SEH1L: variants seen among roughly 807,000 people sequenced by gnomAD.
SEH1L encodes nucleoporin SEH1.
A neutral mutation model predicts 49.5 loss-of-function variants in SEH1L; 18 were observed. That is an observed-to-expected ratio of 0.36 (90% confidence interval 0.25 to 0.54). The LOEUF (loss-of-function observed/expected upper bound fraction) is 0.54. Among genes scored for constraint, SEH1L ranks in the 20% least tolerant of loss-of-function variants. The pLI is 0.87. For synonymous variants in SEH1L, 169 were observed against 178.1 expected (o/e 0.95, Z 0.41); for missense variants, 404 against 528.8 (o/e 0.76, Z 2.31).
chr18:12,969,182 C>G (rs1266925507), intron 4 of SEH1L, among the ~76,000 whole-genome samples: 1 of 147,336 alleles, frequency 6.8e-6, no homozygotes, highest in Admixed American at 6.7e-5. Flanking sequence ...GCACTCCACC[C>G]TGGGCATCAA....
At chr18:12,981,098 C>T (rs2032231229) in intron 6 of SEH1L, among the ~76,000 whole-genome samples, 1 of 151,528 alleles carries the variant, frequency 6.6e-6, no homozygotes, top group Non-Finnish European at 1.5e-5. Context: ...CTCCTCACTT[C>T]TCAGACAGGG....
chr18:12,981,297 G>C (rs1212293204), intron 6 of SEH1L, among the ~76,000 whole-genome samples: 1 of 152,176 alleles, frequency 6.6e-6, no homozygotes, highest in African/African-American at 2.4e-5. Context: ...CTTCCCAGAC[G>C]GGGTGGCGGC....
chr18:12,956,409 G>T (rs1359224444), intron 3 of SEH1L, among the ~76,000 whole-genome samples: 2 of 149,858 alleles, frequency 1.3e-5, no homozygotes, highest in African/African-American at 4.9e-5. Flanking sequence ...ATTCAGGATG[G>T]GCCCATGTCA....
At chr18:12,980,889 C>T (rs373766082) in intron 6 of SEH1L, among the ~76,000 whole-genome samples, 16,694 of 145,800 alleles carry the variant, frequency 0.11, 1,383 homozygotes, top group African/African-American at 0.23. Context: ...CCCCACCTCC[C>T]TTCCGGACGG....
Position 12,982,598 on chromosome 18 carries a change from T to G in SEH1L, c.842T>G (p.Val281Gly). The G allele has an allele frequency of 6.2e-7, 1 of 1,613,918 alleles. No individual in the cohort carries two copies. Among genetic ancestry groups the G allele is most frequent in the South Asian group, 1.1e-5 (1 of 91,076 alleles). ...CAGTTCGATAATCATAATTCTCAGG[T>G]CTGGCGAGTGAGTTGGAATATAACA... ...VAQFDNHNSQVWRVSWNITGT... is the reference protein window; with the variant it reads ...VAQFDNHNSQGWRVSWNITGT... Residue 281 changes from valine (V) to glycine (G), a missense_variant, in exon 7 of 9, where the codon GTC becomes GGC. By Grantham distance (109) the Val-to-Gly change is moderately radical. This residue lies in a region of SEH1L where 342 missense variants were observed against 430.8 expected (regional missense o/e 0.79). Coordinates refer to ENST00000399892, the MANE Select transcript of SEH1L (RefSeq NM_001013437.2).
chr18:12,986,476 T>A, intron 8 of SEH1L: 1 of 987,330 alleles, frequency 1.0e-6, no homozygotes, highest in African/African-American at 1.7e-5. Flanking sequence ...AACCATTGCT[T>A]AAGATAAAAA....
At chr18:12,972,526 G>A (rs190375231) in intron 5 of SEH1L, 1 of 152,322 alleles carries the variant, frequency 6.6e-6, no homozygotes, top group East Asian at 1.9e-4. Flanking sequence ...GATCAGATGG[G>A]CTTCGCAGGT....
At chr18:12,979,723 C>A (rs1420840694) in intron 6 of SEH1L, among the ~76,000 whole-genome samples, 2 of 147,160 alleles carry the variant, frequency 1.4e-5, no homozygotes, top group Non-Finnish European at 3.0e-5. Context: ...CCCTCCCGGA[C>A]GGGGCGGCTG....
At chr18:12,980,264 C>T (rs1598977344) in intron 6 of SEH1L, among the ~76,000 whole-genome samples, 3 of 137,818 alleles carry the variant, frequency 2.2e-5, no homozygotes, top group Admixed American at 7.2e-5. Flanking sequence ...CACCTCCCTC[C>T]CGGTCGGGGC....
rs774233064 is a variant in SEH1L at position 12,987,015 on chromosome 18, C to T, written c.1224C>T (p.Leu408=). 5.6e-6 allele frequency: 9 copies of T among 1,612,954 alleles called. No individual in the cohort carries two copies. The highest frequency in any genetic ancestry group is 7.6e-6 in the Non-Finnish European group (9 of 1,179,272). The part of the protein sequence containing the change: ...LQYPHPRRRY[L]SRPLNPLPEN... ...ATCCTCACCCTCGCAGACGATATCTCTCTCGGCCTCTTAATCCCTTACCTG... is the reference window on the plus strand; with the variant it reads ...ATCCTCACCCTCGCAGACGATATCTTTCTCGGCCTCTTAATCCCTTACCTG... The change falls in exon 9 of 9, where the codon CTC becomes CTT. Residue 408 remains leucine, a synonymous_variant. Coordinates refer to ENST00000399892, the MANE Select transcript of SEH1L (RefSeq NM_001013437.2).
At chr18:12,966,012 C>T in intron 4 of SEH1L, among the ~76,000 whole-genome samples, 1 of 152,256 alleles carries the variant, frequency 6.6e-6, no homozygotes, top group South Asian at 2.1e-4. Context: ...AGGAAAAACC[C>T]CAACCTGGAT....
chr18:12,970,723 G>A (rs553776938), intron 4 of SEH1L, among the ~76,000 whole-genome samples: 72 of 152,298 alleles, frequency 4.7e-4, no homozygotes, highest in African/African-American at 1.6e-3. Flanking sequence ...CCCTGCCGCA[G>A]TGTTTCTTCT....
chr18:12,981,994 G>T (rs777362135), intron 6 of SEH1L, among the ~76,000 whole-genome samples: 9 of 151,442 alleles, frequency 5.9e-5, no homozygotes, highest in Non-Finnish European at 1.0e-4. Context: ...TGAGTAGCTG[G>T]GACTACAGGC....
At chr18:12,980,056 G>C (rs1476173116) in intron 6 of SEH1L, among the ~76,000 whole-genome samples, 1 of 120,968 alleles carries the variant, frequency 8.3e-6, no homozygotes, top group Admixed American at 8.2e-5. Flanking sequence ...CTCCCTCCTG[G>C]ACGGGGCGGC....
Position 12,985,537 on chromosome 18 carries a change from T to G in SEH1L, c.1071-1325T>G, listed in dbSNP as rs1051357272. 4.2e-6 allele frequency: 5 copies of G among 1,183,904 alleles called. No individual in the cohort carries two copies. In the African/African-American group the frequency reaches 8.0e-5, roughly 19 times the overall value. 73.3% of individuals were successfully genotyped at this position (1,183,904 alleles called of 1,614,324 possible). ...CAATTTTTTGAAATGTTCCTGAAAC[T>G]AATTTGGGTTTAAAGATTAAAAGGG... On this transcript the variant is annotated intron_variant, in intron 8 of 8. Transcript: ENST00000399892.
In SEH1L at chr18:12,960,225, A is replaced by G. The variant is rs1453209424; in HGVS notation, c.310-2935A>G. Among the ~76,000 whole-genome samples, 3 of 152,232 alleles carry G rather than the reference A, an allele frequency of 2.0e-5. No homozygotes were observed. In the South Asian group the frequency reaches 6.2e-4, roughly 32 times the overall value. On this transcript the variant is annotated intron_variant, in intron 3 of 8. Transcript: ENST00000399892. ...CAAAGAAGCAGTACATCAACAGTTT[A>G]TCATTATATTGTGGCAACAAGGGAT...
At chr18:12,964,387 T>A (rs1039132511) in intron 4 of SEH1L, 1 of 152,120 alleles carries the variant, frequency 6.6e-6, no homozygotes, top group African/African-American at 2.4e-5. Flanking sequence ...TTTTTAAAAA[T>A]TTTTATTCTG....
intron 2 of SEH1L, among the ~76,000 whole-genome samples, chr18:12,952,232 CTT>C (rs746291412): frequency 6.7e-5 from 9 of 133,422 alleles, no homozygotes; most frequent in Admixed American, 1.5e-4. Context: ...TAGAAATTTT[CTT>C]TTTTTTTTTT....
At chr18:12,976,720 T>C (rs2145652821) in intron 5 of SEH1L, 1 of 152,412 alleles carries the variant, frequency 6.6e-6, no homozygotes, top group African/African-American at 2.4e-5. Context: ...ATCCCAGCAC[T>C]TTGGGAGGCC....
Sources: gnomAD v4.1 joint callset for allele counts (sites outside exome capture counted in the v4.1 genomes callset) on GRCh38, gnomAD v4.1.1 for gene constraint, gnomAD v4.1.1 regional missense constraint, MANE v1.5 for transcripts, NCBI Gene and HGNC (gene_info 2026-07-23, HGNC 2026-07-21) for gene names.